ACCSL: variants seen among roughly 807,000 people sequenced by gnomAD.
The protein encoded by ACCSL is probable inactive 1-aminocyclopropane-1-carboxylate synthase-like protein 2.
A neutral mutation model predicts 61.7 loss-of-function variants in ACCSL; 55 were observed. The observed-to-expected ratio is 0.89, with a 90% CI of 0.72 to 1.12. The LOEUF is 1.12. Among genes scored for constraint, ACCSL ranks in the 50% most tolerant of loss-of-function variants. The probability of loss-of-function intolerance (pLI) is 0.00; values close to 1 mark genes in which losing one functional copy is unlikely to be tolerated. For missense variants in ACCSL, 632 were observed against 698.0 expected (o/e 0.91, Z 1.07); for synonymous variants, 258 against 264.3 (o/e 0.98, Z 0.23).
chr11:44,016,421 A>G, the ACCSL span, among the ~76,000 whole-genome samples: 13 of 152,146 alleles, frequency 8.5e-5, no homozygotes, highest in African/African-American at 3.1e-4. Flanking sequence ...ATGGGCGAGC[A>G]GATATTCTGG....
the ACCSL span, among the ~76,000 whole-genome samples, chr11:44,002,301 A>G: frequency 1.3e-5 from 2 of 152,030 alleles, no homozygotes; most frequent in African/African-American, 2.4e-5. Flanking sequence ...TCCCCTTCAG[A>G]TGCCACCTCG....
intron 9 of ACCSL, 92 bp downstream of exon 9, chr11:44,055,383 T>C (rs771530903): frequency 1.1e-4 from 105 of 916,880 alleles, no homozygotes; most frequent in Middle Eastern, 2.2e-4. Context: ...ACTCAGTTCC[T>C]AGCACATAGC....
the ACCSL span, chr11:43,945,721 A>G: frequency 6.6e-6 from 1 of 151,006 alleles, no homozygotes; most frequent in African/African-American, 2.4e-5. Flanking sequence ...GGTGGTGCAC[A>G]CCTGTGTTCC....
chr11:44,055,829 T>C (rs1340210511), intron 9 of ACCSL, among the ~76,000 whole-genome samples: 1 of 152,256 alleles, frequency 6.6e-6, no homozygotes, highest in African/African-American at 2.4e-5. Context: ...TAGACTTCAT[T>C]CAGTGGGCAC....
upstream of ACCSL, among the ~76,000 whole-genome samples, chr11:44,047,101 A>G (rs1190754388): frequency 6.6e-6 from 1 of 152,172 alleles, no homozygotes; most frequent in Non-Finnish European, 1.5e-5. Context: ...CTCAGGTCTC[A>G]CCCCAGACAT....
the ACCSL span, among the ~76,000 whole-genome samples, chr11:44,019,458 T>C: frequency 6.6e-6 from 1 of 152,238 alleles, no homozygotes. Flanking sequence ...GTCATTTTTA[T>C]TCTAGCCATC....
chr11:44,015,883 T>A, the ACCSL span, among the ~76,000 whole-genome samples: 23 of 152,210 alleles, frequency 1.5e-4, no homozygotes, highest in African/African-American at 4.8e-4. Flanking sequence ...TTGTGAGGAG[T>A]AAGCGAAACA....
the ACCSL span, among the ~76,000 whole-genome samples, chr11:44,028,768 T>C: frequency 6.6e-6 from 1 of 152,136 alleles, no homozygotes. Flanking sequence ...AAAATAAGGG[T>C]AATAAGAGTA....
chr11:43,934,212 C>T, the ACCSL span, among the ~76,000 whole-genome samples: 1 of 152,148 alleles, frequency 6.6e-6, no homozygotes, highest in Non-Finnish European at 1.5e-5. Flanking sequence ...GCAAAATTAT[C>T]GAAACACTTT....
chr11:43,978,271 A>T, the ACCSL span, among the ~76,000 whole-genome samples: 1 of 152,012 alleles, frequency 6.6e-6, no homozygotes, highest in African/African-American at 2.4e-5. Flanking sequence ...TGGCCTCCCA[A>T]AGTGCTGGGA....
the ACCSL span, among the ~76,000 whole-genome samples, chr11:43,991,729 G>C: frequency 1.3e-5 from 2 of 152,164 alleles, no homozygotes; most frequent in Non-Finnish European, 2.9e-5. Flanking sequence ...AGGAGGCAAA[G>C]GCTGCAGTAA....
chr11:44,047,015 C>G (rs1360832436), upstream of ACCSL, among the ~76,000 whole-genome samples: 1 of 151,728 alleles, frequency 6.6e-6, no homozygotes, highest in Non-Finnish European at 1.5e-5. Flanking sequence ...AGACCCAGTC[C>G]CTCCAAAAAA....
At chr11:43,965,260 TATA>T in the ACCSL span, among the ~76,000 whole-genome samples, 1 of 152,176 alleles carries the variant, frequency 6.6e-6, no homozygotes, top group Non-Finnish European at 1.5e-5. Flanking sequence ...TTTTGCAAGG[TATA>T]ATATCAACAT....
the ACCSL span, among the ~76,000 whole-genome samples, chr11:44,003,707 T>G: frequency 6.6e-6 from 1 of 152,094 alleles, no homozygotes; most frequent in Non-Finnish European, 1.5e-5. Context: ...CCAAAACTCT[T>G]TTCATCCTAT....
chr11:43,979,525 T>C, the ACCSL span, among the ~76,000 whole-genome samples: 1 of 152,100 alleles, frequency 6.6e-6, no homozygotes, highest in African/African-American at 2.4e-5. Context: ...TTGATCTACA[T>C]ATCGATGTAA....
the ACCSL span, among the ~76,000 whole-genome samples, chr11:43,937,980 G>C: frequency 6.6e-6 from 1 of 152,142 alleles, no homozygotes; most frequent in Non-Finnish European, 1.5e-5. Flanking sequence ...GCCAGCGTGA[G>C]GGGAAAAACA....
the ACCSL span, among the ~76,000 whole-genome samples, chr11:44,040,807 C>T: frequency 8.0e-3 from 1,213 of 152,270 alleles, 17 homozygotes; most frequent in African/African-American, 0.028. Flanking sequence ...ACTTAGGTGG[C>T]TCATGGATCC....
chr11:43,964,901 T>C, the ACCSL span, among the ~76,000 whole-genome samples: 10 of 152,070 alleles, frequency 6.6e-5, no homozygotes, highest in Admixed American at 5.9e-4. Context: ...CACATTTTCA[T>C]CAGAAAAACA....
the ACCSL span, among the ~76,000 whole-genome samples, chr11:43,960,759 G>C: frequency 6.6e-6 from 1 of 152,128 alleles, no homozygotes; most frequent in South Asian, 2.1e-4. Context: ...AATGCTAGTT[G>C]TAATTTTTCC....
Sources: allele counts gnomAD v4.1 joint callset (sites outside exome capture counted in the v4.1 genomes callset), GRCh38; gene constraint gnomAD v4.1.1; transcripts MANE v1.5; gene names NCBI Gene and HGNC (gene_info 2026-07-23, HGNC 2026-07-21).